The following SUCLG2 variants were observed in gnomAD, a reference collection of about 807,000 sequenced individuals.
The protein encoded by SUCLG2 is succinate--CoA ligase [GDP-forming] subunit beta, mitochondrial.
SUCLG2 carries 42 observed loss-of-function variants against 47.9 expected under a neutral mutation model. The observed-to-expected ratio is 0.88, with a 90% confidence interval of 0.69 to 1.14. SUCLG2 has a LOEUF of 1.14. SUCLG2 is among the 50% of genes most tolerant of loss of function. The pLI is 0.00. For missense variants in SUCLG2, 571 were observed against 525.9 expected (o/e 1.09, Z -0.84); for synonymous variants, 195 against 197.3 (o/e 0.99, Z 0.10).
intron 2 of SUCLG2, among the ~76,000 whole-genome samples, chr3:67,563,972 A>AAAG (rs1553661050): frequency 1.3e-4 from 19 of 145,520 alleles, no homozygotes; most frequent in Middle Eastern, 7.1e-3. Flanking sequence ...AAAAAAAAAA[A>AAAG]AAAAAAGAAA....
chr3:67,419,177 A>C (rs1703099025), intron 9 of SUCLG2, among the ~76,000 whole-genome samples: 1 of 152,198 alleles, frequency 6.6e-6, no homozygotes, highest in South Asian at 2.1e-4. Flanking sequence ...TTTACAAAGA[A>C]ACTGACTTTC....
At chr3:67,635,190 C>A (rs1397773161) in intron 1 of SUCLG2, among the ~76,000 whole-genome samples, 1 of 152,158 alleles carries the variant, frequency 6.6e-6, no homozygotes, top group Non-Finnish European at 1.5e-5. Context: ...CATGACACAC[C>A]AGTAATTGTG....
intron 9 of SUCLG2, among the ~76,000 whole-genome samples, chr3:67,422,325 A>T (rs1264453302): frequency 6.6e-6 from 1 of 151,518 alleles, no homozygotes; most frequent in Non-Finnish European, 1.5e-5. Flanking sequence ...TACAAAAAAA[A>T]TTAGCTGGGC....
At chr3:67,628,703 G>C (rs1414984102) in intron 1 of SUCLG2, among the ~76,000 whole-genome samples, 1 of 152,128 alleles carries the variant, frequency 6.6e-6, no homozygotes, top group Non-Finnish European at 1.5e-5. Flanking sequence ...ATGCTGTCTT[G>C]CCTGCCACCC....
intron 10 of SUCLG2, among the ~76,000 whole-genome samples, chr3:67,391,427 G>C (rs1487832526): frequency 1.3e-5 from 2 of 152,140 alleles, no homozygotes; most frequent in South Asian, 2.1e-4. Flanking sequence ...CCTTTGGTCT[G>C]CTGGAGGAGA....
At chr3:67,457,553 GC>G (rs1459754088) in intron 9 of SUCLG2, among the ~76,000 whole-genome samples, 1 of 152,032 alleles carries the variant, frequency 6.6e-6, no homozygotes, top group Non-Finnish European at 1.5e-5. Context: ...TACAGAAGAT[GC>G]CCGAGGAAAA....
intron 2 of SUCLG2, among the ~76,000 whole-genome samples, chr3:67,542,829 C>T (rs987436604): frequency 6.6e-6 from 1 of 152,132 alleles, no homozygotes. Context: ...AAAGCAAATG[C>T]TTAGAGACCT....
chr3:67,383,057 CAG>C (rs1702191718), intron 10 of SUCLG2, among the ~76,000 whole-genome samples: 1 of 152,182 alleles, frequency 6.6e-6, no homozygotes, highest in Non-Finnish European at 1.5e-5. Flanking sequence ...CATTGAGAAT[CAG>C]AGGCAAAACT....
At chr3:67,401,601 C>T (rs1702685459) in intron 9 of SUCLG2, among the ~76,000 whole-genome samples, 1 of 147,150 alleles carries the variant, frequency 6.8e-6, no homozygotes, top group Admixed American at 6.8e-5. Flanking sequence ...ACAAACTCTA[C>T]TTGTCCTGAC....
chr3:67,446,690 C>T (rs1436633660), intron 9 of SUCLG2, among the ~76,000 whole-genome samples: 5 of 151,688 alleles, frequency 3.3e-5, no homozygotes, highest in Non-Finnish European at 5.9e-5. Context: ...CCTCGGCCTC[C>T]CAAAGTGCCT....
intron 9 of SUCLG2, among the ~76,000 whole-genome samples, chr3:67,453,320 C>T (rs1160334891): frequency 2.6e-5 from 4 of 152,062 alleles, no homozygotes; most frequent in Admixed American, 6.6e-5. Flanking sequence ...ATTTATTTCT[C>T]ACAGTTCTGG....
chr3:67,556,885 T>C (rs1343013762), intron 2 of SUCLG2, among the ~76,000 whole-genome samples: 1 of 152,108 alleles, frequency 6.6e-6, no homozygotes, highest in South Asian at 2.1e-4. Flanking sequence ...TGAGCAGGAA[T>C]AGAAGAATGG....
intron 9 of SUCLG2, among the ~76,000 whole-genome samples, chr3:67,485,276 A>T (rs992714005): frequency 2.0e-5 from 3 of 152,120 alleles, no homozygotes; most frequent in African/African-American, 7.2e-5. Context: ...AATTATGTTA[A>T]TTTTCCTTTT....
Position 67,529,081 on chromosome 3 carries a change from A to C in SUCLG2, c.326+6T>G, listed in dbSNP as rs772110710. On this transcript the variant is annotated splice_donor_region_variant and intron_variant, in intron 3 of 10. Transcript: ENST00000307227. ...AAAGACAAGGAATAACAACCTCCAGACTTACTCTTTTGTTAAATGAACACC... is the reference window on the plus strand; with the variant it reads ...AAAGACAAGGAATAACAACCTCCAGCCTTACTCTTTTGTTAAATGAACACC... 6.9e-6 allele frequency: 11 copies of C among 1,603,894 alleles called. No individual in the cohort carries two copies. In the South Asian group the frequency reaches 1.2e-4, roughly 18 times the overall value.
chr3:67,383,873 T>A (rs1702209801), intron 10 of SUCLG2, among the ~76,000 whole-genome samples: 1 of 152,216 alleles, frequency 6.6e-6, no homozygotes, highest in South Asian at 2.1e-4. Flanking sequence ...CCTGCCATCA[T>A]CTGCTAGGGA....
chr3:67,583,184 C>A (rs1707927221), intron 2 of SUCLG2, among the ~76,000 whole-genome samples: 1 of 152,006 alleles, frequency 6.6e-6, no homozygotes, highest in Admixed American at 6.6e-5. Context: ...CCTGCCACAC[C>A]ATCTCTGGCC....
chr3:67,457,271 C>G (rs4856866), intron 9 of SUCLG2, among the ~76,000 whole-genome samples: 149,263 of 152,328 alleles, frequency 0.98, 73,143 homozygotes, highest in East Asian at 1. Flanking sequence ...AACAGGTAAG[C>G]AATCAGTTCA....
chr3:67,390,419 A>C (rs1702355207), intron 10 of SUCLG2, among the ~76,000 whole-genome samples: 1 of 152,188 alleles, frequency 6.6e-6, no homozygotes, highest in Non-Finnish European at 1.5e-5. Flanking sequence ...TAATAATTAC[A>C]AGCTGTTTCA....
rs1238098643 is a variant in SUCLG2 at position 67,455,686 on chromosome 3, G to GA, written c.1062+40111dup. The stretch of plus-strand genomic sequence containing the variant: ...ACTGTGCTCTAGGTACTGGGTGGAG[G>GA]AAAAAAAAAACACTGATGGGACAAA... On this transcript the variant is annotated intron_variant, in intron 9 of 10. Transcript: ENST00000307227. Among the ~76,000 whole-genome samples, 60 of 148,648 alleles carry GA rather than the reference G, an allele frequency of 4.0e-4. No individual in the cohort carries two copies. The South Asian group carries it at 5.2e-3, about 13-fold the overall frequency.
Sources: gnomAD v4.1 joint callset for allele counts (sites outside exome capture counted in the v4.1 genomes callset) on GRCh38, gnomAD v4.1.1 for gene constraint, MANE v1.5 for transcripts, NCBI Gene and HGNC (gene_info 2026-07-23, HGNC 2026-07-21) for gene names.